The following AKT3 variants were observed in gnomAD, a reference collection of about 807,000 sequenced individuals.
AKT3 encodes RAC-gamma serine/threonine-protein kinase.
In AKT3, 15 loss-of-function variants were observed where a neutral mutation model predicts 65.3. That is an observed-to-expected ratio of 0.23 (90% CI 0.15 to 0.35). The LOEUF (loss-of-function observed/expected upper bound fraction) is 0.35. Among genes scored for constraint, AKT3 ranks in the 10% least tolerant of loss-of-function variants. The pLI, the probability that AKT3 is intolerant of heterozygous loss-of-function variation, is 1.00. For missense variants in AKT3, 243 were observed against 576.5 expected (o/e 0.42, Z 5.92); for synonymous variants, 206 against 183.8 (o/e 1.12, Z -0.98).
chr1:243,524,688 A>C (rs1259630868), intron 12 of AKT3, among the ~76,000 whole-genome samples: 1 of 152,216 alleles, frequency 6.6e-6, no homozygotes, highest in African/African-American at 2.4e-5. Context: ...ACATGAAGAA[A>C]AGGTGTACAT....
intron 4 of AKT3, among the ~76,000 whole-genome samples, chr1:243,655,252 GTTTT>G (rs1480746295): frequency 6.6e-6 from 1 of 151,994 alleles, no homozygotes; most frequent in Admixed American, 6.6e-5. Flanking sequence ...AATTCCAAAT[GTTTT>G]GTTTTCAATT....
At chr1:243,556,072 T>TA (rs1673388395) in intron 10 of AKT3, among the ~76,000 whole-genome samples, 1 of 152,080 alleles carries the variant, frequency 6.6e-6, no homozygotes, top group African/African-American at 2.4e-5. Flanking sequence ...AATGAAAACT[T>TA]AAACAGAGCA....
chr1:243,562,689 TC>T (rs1407896479), intron 10 of AKT3, among the ~76,000 whole-genome samples: 2 of 152,076 alleles, frequency 1.3e-5, no homozygotes, highest in Admixed American at 6.6e-5. Flanking sequence ...ATGTAAGTGT[TC>T]CTGCCAACAG....
intron 12 of AKT3, among the ~76,000 whole-genome samples, chr1:243,530,204 T>C (rs944879113): frequency 3.9e-5 from 6 of 152,148 alleles, no homozygotes; most frequent in Non-Finnish European, 8.8e-5. Flanking sequence ...GTTTATTGGA[T>C]TGTAGAGCTT....
At chr1:243,499,604 A>G (rs569507064), downstream of AKT3, 4 of 708,362 alleles carry the variant, frequency 5.6e-6, no homozygotes, top group South Asian at 6.2e-5. Flanking sequence ...GATGAGGCAC[A>G]AACTTTTCAT....
chr1:243,613,556 C>T (rs1182468689), intron 8 of AKT3, 115 bp downstream of exon 8: 1 of 696,362 alleles, frequency 1.4e-6, no homozygotes, highest in African/African-American at 1.9e-5. Context: ...TTAAGAGCTA[C>T]ATAAATTCCT....
intron 2 of AKT3, chr1:243,814,773 G>A (rs970305304): frequency 6.6e-6 from 1 of 152,082 alleles, no homozygotes; most frequent in African/African-American, 2.4e-5. Context: ...ATAACAATAA[G>A]CCTTTATGAT....
At chr1:243,771,936 G>A (rs1690211839) in intron 2 of AKT3, among the ~76,000 whole-genome samples, 1 of 152,050 alleles carries the variant, frequency 6.6e-6, no homozygotes, top group Admixed American at 6.5e-5. Context: ...CAAGAAATGG[G>A]GAAAGGATTC....
At chr1:243,510,994 T>C (rs1669976645) in intron 13 of AKT3, among the ~76,000 whole-genome samples, 1 of 152,248 alleles carries the variant, frequency 6.6e-6, no homozygotes, top group African/African-American at 2.4e-5. Context: ...TGATTTCTAC[T>C]CAGCGCTGAG....
chr1:243,764,284 G>T (rs1689676761), intron 2 of AKT3, among the ~76,000 whole-genome samples: 1 of 151,878 alleles, frequency 6.6e-6, no homozygotes, highest in African/African-American at 2.4e-5. Flanking sequence ...TTCAGAAACT[G>T]AAATAAAACT....
rs149494062 is a variant in AKT3 at position 243,613,487 on chromosome 1, T to C, written c.696+184A>G. Among the ~76,000 whole-genome samples the C allele has an allele frequency of 1.2e-3, 186 of 152,296 alleles. No individual in the cohort carries two copies. The highest frequency in any genetic ancestry group is 1.9e-3 in the Non-Finnish European group (126 of 68,006). On this transcript the variant is annotated intron_variant, in intron 8 of 13. Transcript: ENST00000673466. ...GCTTTCCAACATATAAATGTAGTTATATAAAAACAATCATTACATCTCATC... is the reference window on the plus strand; with the variant it reads ...GCTTTCCAACATATAAATGTAGTTACATAAAAACAATCATTACATCTCATC...
chr1:243,850,064 CG>C lies in AKT3; in HGVS notation c.-138del. 1.0e-6 allele frequency: 1 copy of C among 962,004 alleles called. No homozygotes were observed. The highest frequency in any genetic ancestry group is 4.7e-5 in the South Asian group (1 of 21,258). 59.6% of individuals were successfully genotyped at this position (962,004 alleles called of 1,614,324 possible). The stretch of plus-strand genomic sequence containing the variant: ...CCTGCAACGGCGGCGGCGGCGGTGG[CG>C]GCCCCGCAGCTGCTCGGGCGGCGGC... On this transcript the variant is annotated 5_prime_UTR_variant, in exon 1 of 14. Transcript: ENST00000673466.
chr1:243,566,549 G>A (rs1041816423), intron 9 of AKT3, among the ~76,000 whole-genome samples: 6 of 152,186 alleles, frequency 3.9e-5, no homozygotes, highest in Non-Finnish European at 8.8e-5. Flanking sequence ...CATGGGGACT[G>A]GTAGCATACT....
intron 10 of AKT3, among the ~76,000 whole-genome samples, chr1:243,558,957 G>C (rs1673587983): frequency 6.6e-6 from 1 of 152,064 alleles, no homozygotes; most frequent in Admixed American, 6.6e-5. Flanking sequence ...GTTGGAAAGT[G>C]GATCAGGTAC....
chr1:243,730,839 G>A (rs995312000), intron 2 of AKT3, among the ~76,000 whole-genome samples: 1 of 152,198 alleles, frequency 6.6e-6, no homozygotes, highest in Non-Finnish European at 1.5e-5. Flanking sequence ...CAGAAACTAC[G>A]TGTGGTACGC....
chr1:243,804,016 A>C (rs1692558275), intron 2 of AKT3, among the ~76,000 whole-genome samples: 1 of 152,216 alleles, frequency 6.6e-6, no homozygotes, highest in African/African-American at 2.4e-5. Context: ...TGGCAGGTGG[A>C]AACAGAGCCA....
At chr1:243,808,904 A>G (rs1187676902) in intron 2 of AKT3, among the ~76,000 whole-genome samples, 2 of 152,228 alleles carry the variant, frequency 1.3e-5, no homozygotes, top group Admixed American at 1.3e-4. Flanking sequence ...AGAATTTTCA[A>G]TCCAGAATTT....
intron 3 of AKT3, among the ~76,000 whole-genome samples, chr1:243,687,032 T>C (rs1311814746): frequency 1.4e-4 from 22 of 151,956 alleles, no homozygotes; most frequent in Admixed American, 1.2e-3. Context: ...TGTTCAAAGA[T>C]GAGCAAAATG....
chr1:243,730,400 G>A (rs777453187), intron 2 of AKT3, among the ~76,000 whole-genome samples: 5 of 152,138 alleles, frequency 3.3e-5, no homozygotes, highest in Admixed American at 6.6e-5. Context: ...ACCAGAATTC[G>A]GGACCCACCC....
Sources: allele counts gnomAD v4.1 joint callset (sites outside exome capture counted in the v4.1 genomes callset), GRCh38; gene constraint gnomAD v4.1.1; transcripts MANE v1.5; gene names NCBI Gene and HGNC (gene_info 2026-07-23, HGNC 2026-07-21).